Variants in NAV1 observed in about 807,000 individuals in gnomAD.
NAV1 encodes the protein pore membrane and/or filament interacting like protein 3.
Under a neutral mutation model 175.2 loss-of-function variants are expected in NAV1, and 18 were observed. The ratio of observed to expected loss-of-function variants is 0.10; its 90% CI spans 0.07 to 0.15. The LOEUF is 0.15. Among genes scored for constraint, NAV1 ranks in the 10% least tolerant of loss-of-function variants. NAV1 has a pLI of 1.00. For missense variants in NAV1, 1,731 were observed against 2,436.6 expected, an observed-to-expected ratio of 0.71 and a Z score of 6.10; for synonymous variants, 897 against 978.7, an observed-to-expected ratio of 0.92 and a Z score of 1.56.
At chr1:201,804,262 G>A (rs1678136041) in intron 16 of NAV1, among the ~76,000 whole-genome samples, 1 of 152,066 alleles carries the variant, frequency 6.6e-6, no homozygotes, top group Admixed American at 6.6e-5. Flanking sequence ...TGACCTTTCT[G>A]AAATTCTTCA....
rs146923558 is a variant in NAV1, at chr1:201,800,921, T to C, written c.3518-2672T>C. Among the ~76,000 whole-genome samples the C allele has an allele frequency of 6.6e-3, 969 of 147,880 alleles. 9 individuals carry two copies. The highest frequency in any genetic ancestry group is 0.023 in the African/African-American group (937 of 40,494). ...TCAGCCCACTACAACCTCCACCTCC[T>C]GGGTTCAAGCGATCCTCCTGCTTCA... On this transcript the variant is annotated intron_variant, in intron 15 of 29. Coordinates refer to ENST00000367296, the Ensembl canonical transcript of NAV1.
intron 1 of NAV1, among the ~76,000 whole-genome samples, chr1:201,555,505 T>C (rs1665984637): frequency 6.6e-6 from 1 of 152,050 alleles, no homozygotes; most frequent in Non-Finnish European, 1.5e-5. Flanking sequence ...CTAACAGATA[T>C]GGGGAAGTCA....
At chr1:201,751,890 T>C (rs1288123897) in intron 3 of NAV1, among the ~76,000 whole-genome samples, 1 of 152,250 alleles carries the variant, frequency 6.6e-6, no homozygotes, top group East Asian at 1.9e-4. Context: ...CCAGTTATTG[T>C]TTAAGAATTA....
chr1:201,767,778 G>A (rs1015117249), intron 3 of NAV1, among the ~76,000 whole-genome samples: 1 of 152,144 alleles, frequency 6.6e-6, no homozygotes, highest in Admixed American at 6.5e-5. Context: ...TTTCTCATTA[G>A]GGATCACATC....
In NAV1 at chr1:201,808,729, G is replaced by C. The variant is rs1277615553; in HGVS notation, c.4065G>C (p.Glu1355Asp). The C allele has an allele frequency of 1.2e-6, 2 of 1,614,228 alleles. No individual in the cohort carries two copies. ...TGGAGGTGGACCTGCTGAAAGCAGA[G>C]AATGACCGACTGAAGGTAGCCCCAG... is the stretch of plus-strand genomic sequence containing the variant. The change falls in exon 20 of 30, where the codon GAG becomes GAC. Residue 1355 changes from glutamate (E) to aspartate (D), a missense_variant. Around this residue, in one of 13 missense-constraint regions of NAV1, gnomAD observed 18 missense variants for 56.2 expected, o/e 0.32. Coordinates refer to ENST00000367296, the Ensembl canonical transcript of NAV1. The surrounding 1 kb of genome is among the most constrained non-coding windows in gnomAD (Gnocchi z 5.5).
Position 201,812,028 on chromosome 1 carries a change from C to A in NAV1, c.5024+54C>A. The A allele has an allele frequency of 6.5e-7, 1 of 1,531,476 alleles. No individual in the cohort carries two copies. The highest frequency in any genetic ancestry group is 9.1e-7 in the Non-Finnish European group (1 of 1,104,790). The allele number at this position is 1,531,476 out of a possible 1,614,324, so 94.9% of individuals were successfully genotyped here. A position where few individuals can be genotyped will look rare whatever the true frequency, so the allele number is the denominator to read the frequency against. ...CTGACCCTACCCAAGAGTCTTCAAT[C>A]CTGGACTCTGGCCAGGAGGCAGTAG... On this transcript the variant is annotated intron_variant, in intron 26 of 29. Transcript: ENST00000367296. This position sits in a 1 kb window ranked among gnomAD's most constrained non-coding sequence, Gnocchi z 4.6.
At chr1:201,609,890 T>G (rs368074996) in intron 2 of NAV1, among the ~76,000 whole-genome samples, 4 of 152,168 alleles carry the variant, frequency 2.6e-5, no homozygotes, top group Non-Finnish European at 5.9e-5. Context: ...GAAACCTGGA[T>G]GGAACAGGGA....
intron 2 of NAV1, among the ~76,000 whole-genome samples, chr1:201,600,312 G>A (rs1452432962): frequency 6.6e-6 from 1 of 152,184 alleles, no homozygotes; most frequent in Admixed American, 6.5e-5. Context: ...CCTGTGTGGT[G>A]CTATCCTGCT....
intron 1 of NAV1, among the ~76,000 whole-genome samples, chr1:201,657,064 G>T (rs937549028): frequency 6.6e-6 from 1 of 152,186 alleles, no homozygotes; most frequent in Non-Finnish European, 1.5e-5. Context: ...GACTGAGGCT[G>T]CTTCCTAGGA....
At chr1:201,774,211 T>C (rs1479479740) in intron 3 of NAV1, among the ~76,000 whole-genome samples, 2 of 152,026 alleles carry the variant, frequency 1.3e-5, no homozygotes, top group Non-Finnish European at 2.9e-5. Context: ...CAGCTTAGAG[T>C]GAGCAAAGAA....
chr1:201,800,269 G>A (rs577586624), intron 15 of NAV1, among the ~76,000 whole-genome samples: 1 of 152,136 alleles, frequency 6.6e-6, no homozygotes, highest in Non-Finnish European at 1.5e-5. Context: ...CCAGAGTGCT[G>A]GAATTACAGG....
intron 3 of NAV1, among the ~76,000 whole-genome samples, chr1:201,727,572 A>G (rs776011259): frequency 1.3e-5 from 2 of 152,186 alleles, no homozygotes; most frequent in African/African-American, 4.8e-5. Context: ...TTTCTTGCCT[A>G]TGAAGAATGT....
At chr1:201,774,567 G>A (rs537203185) in intron 3 of NAV1, among the ~76,000 whole-genome samples, 4 of 152,086 alleles carry the variant, frequency 2.6e-5, no homozygotes, top group South Asian at 2.1e-4. Context: ...GAGGCAAGAG[G>A]ATCACTTGAA....
intron 15 of NAV1, 79 bp downstream of exon 19, chr1:201,794,656 A>G: frequency 1.6e-6 from 2 of 1,227,658 alleles, no homozygotes; most frequent in Non-Finnish European, 2.4e-6. Context: ...CTGGGCCCAT[A>G]GTATTCCAAG....
At position 201,788,078 on chromosome 1, in the gene NAV1, GA is replaced by G. The variant is rs1261872707; in HGVS notation, c.2996-389del. Among the ~76,000 whole-genome samples, 2 of 152,118 alleles carry G rather than the reference GA, an allele frequency of 1.3e-5. No individual in the cohort carries two copies. Among genetic ancestry groups the G allele is most frequent in the African/African-American group, 4.8e-5 (2 of 41,396 alleles). On this transcript the variant is annotated intron_variant, in intron 9 of 29. Transcript: ENST00000367296. This position sits in a 1 kb window ranked among gnomAD's most constrained non-coding sequence, Gnocchi z 5.7. ...CTTGGTTTGAATTTTCAGTCCTCCTGAGCTGGCAGTTGTGTTTTAGAGAACC... is the reference window on the plus strand; with the variant it reads ...CTTGGTTTGAATTTTCAGTCCTCCTGGCTGGCAGTTGTGTTTTAGAGAACC...
At chr1:201,597,544 C>T (rs1215436824) in intron 2 of NAV1, among the ~76,000 whole-genome samples, 1 of 152,214 alleles carries the variant, frequency 6.6e-6, no homozygotes, top group Non-Finnish European at 1.5e-5. Context: ...TGCAAAGATC[C>T]CTTCCCACAG....
At chr1:201,592,285 C>T (rs889066599) in intron 2 of NAV1, among the ~76,000 whole-genome samples, 2 of 152,224 alleles carry the variant, frequency 1.3e-5, no homozygotes, top group African/African-American at 2.4e-5. Flanking sequence ...AGACACAATC[C>T]TGAAGCAGAG....
chr1:201,696,420 G>C (rs1306177540), intron 1 of NAV1, among the ~76,000 whole-genome samples: 2 of 152,214 alleles, frequency 1.3e-5, no homozygotes, highest in Non-Finnish European at 2.9e-5. Flanking sequence ...AAGCTTTACA[G>C]GTTTCAGAGC....
chr1:201,549,997 C>T (rs12744144), intron 1 of NAV1, among the ~76,000 whole-genome samples: 114,239 of 114,256 alleles, frequency 1, 57,111 homozygotes, highest in Middle Eastern at 1. Flanking sequence ...GGCGACAGAG[C>T]GAGACTCCAT....
Sources: gnomAD v4.1 joint callset for allele counts (sites outside exome capture counted in the v4.1 genomes callset) on GRCh38, gnomAD v4.1.1 for gene constraint, gnomAD v4.1.1 regional missense constraint, Gnocchi (gnomAD v3.1) non-coding constraint, MANE v1.5 for transcripts, NCBI Gene and HGNC (gene_info 2026-07-23, HGNC 2026-07-21) for gene names.